The following GALNTL6 variants were observed in gnomAD, a reference collection of about 807,000 sequenced individuals.
The protein encoded by GALNTL6 is polypeptide N-acetylgalactosaminyltransferase-like 6.
In GALNTL6, 46 loss-of-function variants were observed where a neutral mutation model predicts 73.7. That is an observed-to-expected ratio of 0.62 (90% CI 0.49 to 0.80). The LOEUF (loss-of-function observed/expected upper bound fraction) is 0.80, where lower values mean the gene tolerates loss of function less well. Among genes scored for constraint, GALNTL6 ranks in the 30% least tolerant of loss-of-function variants. GALNTL6 has a pLI of 0.00. For synonymous variants in GALNTL6, 259 were observed against 263.7 expected, an observed-to-expected ratio of 0.98 and a Z score of 0.17; for missense variants, 604 against 755.0, an observed-to-expected ratio of 0.80 and a Z score of 2.34.
At chr4:172,395,214 G>A (rs1271181798) in intron 5 of GALNTL6, among the ~76,000 whole-genome samples, 1 of 152,120 alleles carries the variant, frequency 6.6e-6, no homozygotes, top group African/African-American at 2.4e-5. Context: ...GAGTCTATAT[G>A]TTTCTGTAAT....
chr4:172,199,673 T>C (rs376593134), intron 2 of GALNTL6, among the ~76,000 whole-genome samples: 73 of 152,304 alleles, frequency 4.8e-4, no homozygotes, highest in African/African-American at 1.6e-3. Context: ...GGGTTCCTCA[T>C]TGCAAGATAA....
chr4:172,062,266 A>G (rs1259652721), intron 2 of GALNTL6, among the ~76,000 whole-genome samples: 1 of 152,020 alleles, frequency 6.6e-6, no homozygotes, highest in East Asian at 1.9e-4. Context: ...CACATTTTGT[A>G]AGTAAGAATA....
Position 172,918,829 on chromosome 4 carries a change from G to C in GALNTL6, c.1042-12332G>C, listed in dbSNP as rs115194062. 8.5e-3 allele frequency among the ~76,000 whole-genome samples: 1,300 copies of C among 152,294 alleles called. 14 individuals are homozygous for C. Among genetic ancestry groups the C allele is most frequent in the African/African-American group, 0.027 (1,133 of 41,556 alleles). On this transcript the variant is annotated intron_variant, in intron 8 of 12. Transcript: ENST00000506823. ...CCTGAGACTCAGAAAATGGTGGAAAGCTGCCCAACTGAAGCTCGGTTCACT... is the reference window on the plus strand; with the variant it reads ...CCTGAGACTCAGAAAATGGTGGAAACCTGCCCAACTGAAGCTCGGTTCACT...
intron 5 of GALNTL6, among the ~76,000 whole-genome samples, chr4:172,567,896 A>G (rs1736616633): frequency 6.6e-6 from 1 of 152,170 alleles, no homozygotes; most frequent in East Asian, 1.9e-4. Flanking sequence ...TGTCTCCACT[A>G]TGAGTGCCAG....
chr4:172,292,666 A>C (rs938050705), intron 3 of GALNTL6, among the ~76,000 whole-genome samples: 1 of 152,186 alleles, frequency 6.6e-6, no homozygotes, highest in Non-Finnish European at 1.5e-5. Flanking sequence ...AGAAAATTTT[A>C]TAAAACATAG....
chr4:172,227,310 AACAATGTTTGAT>A (rs1167478466), intron 2 of GALNTL6, among the ~76,000 whole-genome samples: 1 of 152,216 alleles, frequency 6.6e-6, no homozygotes, highest in Non-Finnish European at 1.5e-5. Context: ...TAACTTCATT[AACAATGTTTGAT>A]ACATAGGCTA....
intron 2 of GALNTL6, among the ~76,000 whole-genome samples, chr4:172,027,991 G>C (rs901074992): frequency 6.6e-6 from 1 of 152,044 alleles, no homozygotes; most frequent in Admixed American, 6.6e-5. Context: ...AGCGGGAAGG[G>C]CTGATGTAGA....
intron 5 of GALNTL6, among the ~76,000 whole-genome samples, chr4:172,475,801 T>G (rs1046749849): frequency 1.3e-5 from 2 of 152,194 alleles, no homozygotes; most frequent in Non-Finnish European, 2.9e-5. Flanking sequence ...GATAACGAAA[T>G]CATGTCATAC....
At chr4:172,056,194 G>A (rs913986598) in intron 2 of GALNTL6, among the ~76,000 whole-genome samples, 2 of 151,932 alleles carry the variant, frequency 1.3e-5, no homozygotes, top group East Asian at 1.9e-4. Flanking sequence ...AATATTTATC[G>A]CTTATGTTGT....
At chr4:172,818,175 A>G (rs778285676) in intron 7 of GALNTL6, among the ~76,000 whole-genome samples, 11 of 152,338 alleles carry the variant, frequency 7.2e-5, no homozygotes, top group Middle Eastern at 3.4e-3. Context: ...GCAGCATGAA[A>G]TAGTCCATCC....
At chr4:172,428,059 TG>T (rs919859265) in intron 5 of GALNTL6, among the ~76,000 whole-genome samples, 1 of 152,156 alleles carries the variant, frequency 6.6e-6, no homozygotes, top group African/African-American at 2.4e-5. Flanking sequence ...TGAGAAAGTT[TG>T]GCAGACAAAT....
chr4:172,145,288 C>G (rs188372523), intron 2 of GALNTL6, among the ~76,000 whole-genome samples: 1 of 152,026 alleles, frequency 6.6e-6, no homozygotes, highest in African/African-American at 2.4e-5. Context: ...TACAGGCGCC[C>G]GCCACTACGC....
chr4:172,374,308 T>C (rs1380312617), intron 5 of GALNTL6, among the ~76,000 whole-genome samples: 1 of 152,204 alleles, frequency 6.6e-6, no homozygotes. Context: ...CCTGTTCCTC[T>C]TGGTTCCTAT....
At chr4:171,864,823 C>T (rs1397644167) in intron 2 of GALNTL6, among the ~76,000 whole-genome samples, 1 of 151,954 alleles carries the variant, frequency 6.6e-6, no homozygotes, top group Non-Finnish European at 1.5e-5. Flanking sequence ...ATTTGAAATA[C>T]TTAAAGATAA....
chr4:173,009,317 G>T, intron 11 of GALNTL6, 23 bp downstream of exon 11: 1 of 1,438,368 alleles, frequency 7.0e-7, no homozygotes, highest in Non-Finnish European at 9.8e-7. Flanking sequence ...CCAGAAGCCA[G>T]GGCAGTGGGA....
intron 5 of GALNTL6, among the ~76,000 whole-genome samples, chr4:172,388,133 TA>T (rs1481027257): frequency 3.9e-5 from 6 of 152,140 alleles, no homozygotes; most frequent in African/African-American, 1.4e-4. Context: ...TTTTAACAGA[TA>T]CATCCTATTT....
intron 2 of GALNTL6, among the ~76,000 whole-genome samples, chr4:172,023,407 A>C (rs2110805368): frequency 6.6e-6 from 1 of 152,080 alleles, no homozygotes; most frequent in South Asian, 2.1e-4. Flanking sequence ...AGTATAAAAA[A>C]GTAAAAACCT....
chr4:172,804,557 G>A (rs1176330397), intron 5 of GALNTL6, among the ~76,000 whole-genome samples: 1 of 152,144 alleles, frequency 6.6e-6, no homozygotes, highest in Non-Finnish European at 1.5e-5. Context: ...CTAGTGGCTG[G>A]GCCTCCATAC....
chr4:172,361,342 G>T (rs1175011780), intron 5 of GALNTL6, among the ~76,000 whole-genome samples: 1 of 150,030 alleles, frequency 6.7e-6, no homozygotes, highest in African/African-American at 2.5e-5. Flanking sequence ...GTCATCATTA[G>T]TGGCAGGTAT....
Sources: gnomAD v4.1 joint callset for allele counts (sites outside exome capture counted in the v4.1 genomes callset) on GRCh38, gnomAD v4.1.1 for gene constraint, MANE v1.5 for transcripts, NCBI Gene and HGNC (gene_info 2026-07-23, HGNC 2026-07-21) for gene names.